Variants in RPS6KC1 observed in about 807,000 individuals in gnomAD.
RPS6KC1 encodes inactive ribosomal protein S6 kinase delta-1.
A neutral mutation model predicts 103.8 loss-of-function variants in RPS6KC1; 54 were observed. The ratio of observed to expected loss-of-function variants is 0.52; its 90% CI spans 0.42 to 0.65. The LOEUF (loss-of-function observed/expected upper bound fraction) is 0.65. Among genes scored for constraint, RPS6KC1 ranks in the 30% least tolerant of loss-of-function variants. The pLI is 0.00. For synonymous variants in RPS6KC1, 439 were observed against 438.7 expected (o/e 1.00, Z -0.01); for missense variants, 1,151 against 1,253.8 (o/e 0.92, Z 1.24).
intron 8 of RPS6KC1, among the ~76,000 whole-genome samples, chr1:213,206,942 C>G (rs1332477463): frequency 6.6e-6 from 1 of 152,134 alleles, no homozygotes; most frequent in African/African-American, 2.4e-5. Context: ...GAAACCCTGT[C>G]TCTACCGAAA....
At chr1:213,337,801 T>C in the RPS6KC1 span, among the ~76,000 whole-genome samples, 146 of 152,288 alleles carry the variant, frequency 9.6e-4, 1 homozygote, top group African/African-American at 3.4e-3. Context: ...CCACACAAAA[T>C]GGGCCAAGTC....
the RPS6KC1 span, among the ~76,000 whole-genome samples, chr1:213,644,332 G>A: frequency 3.3e-5 from 5 of 151,870 alleles, no homozygotes; most frequent in African/African-American, 1.2e-4. Flanking sequence ...CCACCAGAGA[G>A]GTACATTTGT....
At chr1:213,335,336 A>G in the RPS6KC1 span, among the ~76,000 whole-genome samples, 2 of 152,228 alleles carry the variant, frequency 1.3e-5, no homozygotes, top group African/African-American at 2.4e-5. Flanking sequence ...TCCCTGAATA[A>G]CAGTGGTTTA....
chr1:213,377,721 G>A, the RPS6KC1 span, among the ~76,000 whole-genome samples: 1 of 152,164 alleles, frequency 6.6e-6, no homozygotes, highest in African/African-American at 2.4e-5. Context: ...ATACGACAAG[G>A]CTAAGAGGTG....
downstream of RPS6KC1, among the ~76,000 whole-genome samples, chr1:213,278,348 A>G (rs1351850423): frequency 1.3e-5 from 2 of 152,122 alleles, no homozygotes; most frequent in Non-Finnish European, 2.9e-5. Flanking sequence ...TAATGACTGA[A>G]GTGTGTTGTT....
At chr1:213,692,678 G>A in the RPS6KC1 span, among the ~76,000 whole-genome samples, 12 of 152,218 alleles carry the variant, frequency 7.9e-5, no homozygotes, top group African/African-American at 1.4e-4. Flanking sequence ...CTTACCAGTC[G>A]ACTGTCCCTA....
the RPS6KC1 span, among the ~76,000 whole-genome samples, chr1:213,605,718 C>T: frequency 6.6e-6 from 1 of 152,194 alleles, no homozygotes; most frequent in African/African-American, 2.4e-5. Flanking sequence ...GCAATTTCCC[C>T]AGCCTGGCCT....
At chr1:213,105,040 G>T (rs561235612) in intron 4 of RPS6KC1, among the ~76,000 whole-genome samples, 1 of 151,698 alleles carries the variant, frequency 6.6e-6, no homozygotes, top group South Asian at 2.1e-4. Flanking sequence ...GATTACTCTT[G>T]GAATATAAGC....
the RPS6KC1 span, among the ~76,000 whole-genome samples, chr1:213,658,853 C>T: frequency 6.6e-6 from 1 of 152,198 alleles, no homozygotes; most frequent in African/African-American, 2.4e-5. Flanking sequence ...CTGAATTTAA[C>T]CTTGACTGGG....
chr1:213,501,679 G>T, the RPS6KC1 span, among the ~76,000 whole-genome samples: 333 of 150,690 alleles, frequency 2.2e-3, 2 homozygotes, highest in South Asian at 9.2e-3. Flanking sequence ...GGGCTGCAGT[G>T]AGCGAAGATT....
At chr1:213,242,339 G>A in intron 11 of RPS6KC1, 42 bp downstream of exon 11, 1 of 1,601,962 alleles carries the variant, frequency 6.2e-7, no homozygotes. Context: ...ATTCGCTGTT[G>A]CTTCCAATTA....
the RPS6KC1 span, among the ~76,000 whole-genome samples, chr1:213,428,518 CTCTTTCTCTCTCTCTCTCTCTCTTTCT>C: frequency 1.8e-5 from 1 of 54,956 alleles, no homozygotes; most frequent in Non-Finnish European, 3.9e-5. Context: ...TCCTTCCTTC[CTCTTTCTCTCTCTCTCTCTCTCTTTCT>C]TTCTTTCTCT....
chr1:213,673,095 G>A, the RPS6KC1 span, among the ~76,000 whole-genome samples: 21 of 152,134 alleles, frequency 1.4e-4, no homozygotes, highest in East Asian at 3.9e-4. Context: ...TACTAAGACC[G>A]AAGTTTCCAT....
intron 12 of RPS6KC1, among the ~76,000 whole-genome samples, chr1:213,254,794 AGTTT>A (rs1305311102): frequency 6.6e-6 from 1 of 152,134 alleles, no homozygotes; most frequent in Non-Finnish European, 1.5e-5. Flanking sequence ...CTGAGGTAAT[AGTTT>A]GTTTTTCTCT....
the RPS6KC1 span, among the ~76,000 whole-genome samples, chr1:213,788,929 A>G: frequency 1.3e-5 from 2 of 152,164 alleles, no homozygotes; most frequent in South Asian, 4.1e-4. Flanking sequence ...ATGAGAGTAG[A>G]TGCTACAGCC....
chr1:213,836,878 G>A, the RPS6KC1 span, among the ~76,000 whole-genome samples: 17 of 152,140 alleles, frequency 1.1e-4, no homozygotes, highest in African/African-American at 4.1e-4. Flanking sequence ...GGTGATTTCA[G>A]TCACCAACCC....
chr1:213,229,614 C>G (rs1056844021), intron 8 of RPS6KC1, among the ~76,000 whole-genome samples: 1 of 151,996 alleles, frequency 6.6e-6, no homozygotes, highest in Admixed American at 6.6e-5. Flanking sequence ...AGTAGTTTTT[C>G]CAAAATAATA....
chr1:213,547,336 T>C, the RPS6KC1 span, among the ~76,000 whole-genome samples: 2 of 152,232 alleles, frequency 1.3e-5, no homozygotes, highest in Non-Finnish European at 2.9e-5. Flanking sequence ...GTCTAAATGC[T>C]TCTACCTAGA....
chr1:213,086,660 G>A (rs1447219220), intron 3 of RPS6KC1, among the ~76,000 whole-genome samples: 1 of 152,086 alleles, frequency 6.6e-6, no homozygotes, highest in Non-Finnish European at 1.5e-5. Context: ...TCCAGACCCT[G>A]GCTGCTACAG....
Sources: gnomAD v4.1 joint callset for allele counts (sites outside exome capture counted in the v4.1 genomes callset) on GRCh38, gnomAD v4.1.1 for gene constraint, MANE v1.5 for transcripts, NCBI Gene and HGNC (gene_info 2026-07-23, HGNC 2026-07-21) for gene names.